Variants in ADGRA1 observed in about 807,000 individuals in gnomAD.
The protein encoded by ADGRA1 is adhesion G protein-coupled receptor A1.
A neutral mutation model predicts 21.3 loss-of-function variants in ADGRA1; 12 were observed. That is an observed-to-expected ratio of 0.56 (90% confidence interval 0.36 to 0.91). The LOEUF (loss-of-function observed/expected upper bound fraction) is 0.91. Among genes scored for constraint, ADGRA1 ranks in the 40% least tolerant of loss-of-function variants. The pLI is 0.01. For synonymous variants in ADGRA1, 385 were observed against 368.8 expected (o/e 1.04, Z -0.50); for missense variants, 790 against 805.6 (o/e 0.98, Z 0.23).
At chr10:133,098,819 G>A (rs548184893) in intron 4 of ADGRA1, 56 bp downstream of exon 4, 24 of 1,564,012 alleles carry the variant, frequency 1.5e-5, no homozygotes, top group African/African-American at 1.5e-4. Flanking sequence ...CGTGAGCGTC[G>A]TCTTGTTTAC....
chr10:133,089,405 C>T (rs982449961), intron 2 of ADGRA1, among the ~76,000 whole-genome samples: 1 of 152,222 alleles, frequency 6.6e-6, no homozygotes. Flanking sequence ...GCCGCGCACA[C>T]GGCAGGCACG....
At chr10:133,112,242 A>G (rs548479755) in intron 5 of ADGRA1, among the ~76,000 whole-genome samples, 2 of 152,370 alleles carry the variant, frequency 1.3e-5, no homozygotes, top group Admixed American at 6.5e-5. Context: ...GAATAATGAC[A>G]TCTTAATTTT....
chr10:133,122,022 T>C (rs1852278594), intron 5 of ADGRA1, among the ~76,000 whole-genome samples: 1 of 152,036 alleles, frequency 6.6e-6, no homozygotes, highest in Non-Finnish European at 1.5e-5. Flanking sequence ...GTGTGTGGTA[T>C]GTGTGTTCCA....
In ADGRA1 at chr10:133,127,154, G is replaced by A. The variant is rs544781358; in HGVS notation, c.402-79G>A. 1.8e-5 allele frequency: 16 copies of A among 875,090 alleles called. 1 individual carries two copies. Among genetic ancestry groups the A allele is most frequent in the Middle Eastern group, 5.1e-4 (2 of 3,922 alleles). 54.2% of individuals were successfully genotyped at this position (875,090 alleles called of 1,614,324 possible). On this transcript the variant is annotated intron_variant, in intron 5 of 6. Coordinates refer to ENST00000392607, the MANE Select transcript of ADGRA1 (RefSeq NM_001083909.3). ...CACCCGCTGCTCTCCCTTGCCCCGCGGAGTGGGGGAGGGACAGCGCTGACC... is the reference window on the plus strand; with the variant it reads ...CACCCGCTGCTCTCCCTTGCCCCGCAGAGTGGGGGAGGGACAGCGCTGACC...
chr10:133,088,894 C>T lies in ADGRA1; in HGVS notation c.-16C>T, dbSNP rs10776693. The T allele has an allele frequency of 0.62, 764,255 of 1,240,514 alleles. 239,773 individuals are homozygous for T. Among genetic ancestry groups the T allele is most frequent in the African/African-American group, 0.93 (60,362 of 64,808 alleles). The allele number at this position is 1,240,514 out of a possible 1,614,324, so 76.8% of individuals were successfully genotyped here. A position where few individuals can be genotyped will look rare whatever the true frequency, so the allele number is the denominator to read the frequency against. On this transcript the variant is annotated 5_prime_UTR_variant, in exon 2 of 7. Coordinates refer to ENST00000392607, the MANE Select transcript of ADGRA1 (RefSeq NM_001083909.3). ...TCCTCCAGCGGCGCTCACGCTTCCG[C>T]AACTTTGCAGCGCTCATGGTGAGTA...
chr10:133,129,744 CT>C lies in ADGRA1; in HGVS notation c.*234del, dbSNP rs1436879168. 1 of 416,588 alleles carries C rather than the reference CT, an allele frequency of 2.4e-6. No homozygotes were observed. The highest frequency in any genetic ancestry group is 2.6e-5 in the African/African-American group (1 of 39,152). The allele number at this position is 416,588 out of a possible 1,614,324, so 25.8% of individuals were successfully genotyped here. On this transcript the variant is annotated 3_prime_UTR_variant, in exon 7 of 7. Coordinates refer to ENST00000392607, the MANE Select transcript of ADGRA1 (RefSeq NM_001083909.3). ...TGTGAAAGACCTCAGCGGGGAAACGCTCCGGGCCACGCCCACTCCCCTTATC... is the reference window on the plus strand; with the variant it reads ...TGTGAAAGACCTCAGCGGGGAAACGCCCGGGCCACGCCCACTCCCCTTATC...
chr10:133,115,207 C>T (rs1022752400), intron 5 of ADGRA1, among the ~76,000 whole-genome samples: 5 of 152,098 alleles, frequency 3.3e-5, no homozygotes, highest in African/African-American at 1.2e-4. Context: ...GGGGCTGTCC[C>T]GAGTCCACCC....
chr10:133,094,949 G>A (rs1296746560), intron 2 of ADGRA1, among the ~76,000 whole-genome samples: 6 of 152,196 alleles, frequency 3.9e-5, no homozygotes, highest in Admixed American at 3.9e-4. Flanking sequence ...CTGTGACTTT[G>A]GAGCTGTTTG....
At chr10:133,090,720 G>C (rs4838779) in intron 2 of ADGRA1, among the ~76,000 whole-genome samples, 50,573 of 147,110 alleles carry the variant, frequency 0.34, 9,068 homozygotes, top group East Asian at 0.62. Context: ...GCTCTGGGGG[G>C]CTCCTGACGC....
At position 133,097,000 on chromosome 10, in the gene ADGRA1, C is replaced by T. The variant is rs567251647; in HGVS notation, c.30C>T (p.Pro10=). The change falls in exon 3 of 7, where the codon CCC becomes CCT. Residue 10 remains proline, a synonymous_variant. Transcript: ENST00000392607. MDLKTVLSL[P]RYPGEFLHPV... is the part of the protein sequence containing the mutation. Reference sequence around the variant, plus strand: ...ATCTGAAGACAGTGCTCTCCCTGCCCCGCTACCCAGGGGAGTTCCTGCACC... The same window carrying T: ...ATCTGAAGACAGTGCTCTCCCTGCCTCGCTACCCAGGGGAGTTCCTGCACC... 3 of 1,613,506 alleles carry T rather than the reference C, an allele frequency of 1.9e-6. No individual in the cohort carries two copies. The highest frequency in any genetic ancestry group is 1.3e-5 in the African/African-American group (1 of 75,042).
intron 5 of ADGRA1, among the ~76,000 whole-genome samples, chr10:133,113,353 G>C (rs1257642279): frequency 6.6e-6 from 1 of 152,256 alleles, no homozygotes; most frequent in Non-Finnish European, 1.5e-5. Flanking sequence ...GAGGATGCCT[G>C]CTCCCGCCTT....
At chr10:133,118,625 G>T (rs1171795006) in intron 5 of ADGRA1, among the ~76,000 whole-genome samples, 4 of 152,164 alleles carry the variant, frequency 2.6e-5, no homozygotes, top group Non-Finnish European at 5.9e-5. Context: ...AGTCTCGTGA[G>T]AACTCATTCA....
At position 133,128,312 on chromosome 10, in the gene ADGRA1, C is replaced by G; in HGVS notation, c.501-17C>G. 1 of 1,515,368 alleles carries G rather than the reference C, an allele frequency of 6.6e-7. No individual in the cohort carries two copies. The highest frequency in any genetic ancestry group is 8.8e-7 in the Non-Finnish European group (1 of 1,135,236). 93.9% of individuals were successfully genotyped at this position (1,515,368 alleles called of 1,614,324 possible). On this transcript the variant is annotated splice_polypyrimidine_tract_variant and intron_variant, in intron 6 of 6. Transcript: ENST00000392607. Reference sequence around the variant, plus strand: ...GCCGTGCTGGCCCCGCTGACACTGACGTGCGTCTCCCCACAGCTGCTGGAT... The same window carrying G: ...GCCGTGCTGGCCCCGCTGACACTGAGGTGCGTCTCCCCACAGCTGCTGGAT...
intron 2 of ADGRA1, among the ~76,000 whole-genome samples, chr10:133,095,176 G>A (rs527272803): frequency 7.2e-5 from 11 of 152,214 alleles, no homozygotes; most frequent in South Asian, 2.1e-4. Flanking sequence ...AGCTCGGACC[G>A]GACACTCACC....
intron 4 of ADGRA1, 53 bp downstream of exon 4, chr10:133,098,816 G>T: frequency 6.4e-7 from 1 of 1,568,860 alleles, no homozygotes; most frequent in Non-Finnish European, 8.6e-7. Context: ...CTGCGTGAGC[G>T]TCGTCTTGTT....
chr10:133,098,851 C>T (rs1303206273), intron 4 of ADGRA1, 88 bp downstream of exon 4: 3 of 1,503,036 alleles, frequency 2.0e-6, no homozygotes, highest in African/African-American at 1.4e-5. Flanking sequence ...CCAGCGTTTG[C>T]TCAGCTATTT....
intron 5 of ADGRA1, among the ~76,000 whole-genome samples, chr10:133,104,335 C>T (rs1438415385): frequency 6.6e-6 from 1 of 152,178 alleles, no homozygotes; most frequent in Non-Finnish European, 1.5e-5. Flanking sequence ...GTGTATAAAT[C>T]ACTCTCAAAA....
chr10:133,110,480 T>C (rs575373927), intron 5 of ADGRA1, among the ~76,000 whole-genome samples: 3 of 152,378 alleles, frequency 2.0e-5, no homozygotes, highest in South Asian at 2.1e-4. Context: ...TGAAAGCCAC[T>C]GACCCAGGCA....
chr10:133,111,414 CAA>C, intron 5 of ADGRA1, among the ~76,000 whole-genome samples: 3 of 82,748 alleles, frequency 3.6e-5, no homozygotes, highest in East Asian at 1.7e-3. Flanking sequence ...TCCCACCAGA[CAA>C]CCTGCCCACC....
Sources: allele counts gnomAD v4.1 joint callset (sites outside exome capture counted in the v4.1 genomes callset), GRCh38; gene constraint gnomAD v4.1.1; transcripts MANE v1.5; gene names NCBI Gene and HGNC (gene_info 2026-07-23, HGNC 2026-07-21).